The following KDM3B variants were observed in gnomAD, a reference collection of about 807,000 sequenced individuals.
KDM3B encodes lysine-specific demethylase 3B.
KDM3B carries 10 observed loss-of-function variants against 170.0 expected under a neutral mutation model. The ratio of observed to expected loss-of-function variants is 0.06; its 90% CI spans 0.04 to 0.10. The LOEUF is 0.10. Ranked by LOEUF, KDM3B falls within the 10% of genes least tolerant of loss-of-function variation. The pLI is 1.00. For synonymous variants in KDM3B, 831 were observed against 834.8 expected (o/e 1.00, Z 0.08); for missense variants, 1,394 against 2,195.2 (o/e 0.64, Z 7.29).
At position 138,410,408 on chromosome 5, in the gene KDM3B, CA is replaced by C. The variant is rs1156423389; in HGVS notation, c.3200-4721del. 6.6e-5 allele frequency among the ~76,000 whole-genome samples: 10 copies of C among 152,044 alleles called. No individual in the cohort carries two copies. The East Asian group carries it at 1.9e-3, about 29-fold the overall frequency. On this transcript the variant is annotated intron_variant, in intron 11 of 23. Coordinates refer to ENST00000314358, the MANE Select transcript of KDM3B (RefSeq NM_016604.4). ...CCCACACATACATAATCAATTACGACAAAGGTGCCAAGGTAGTTCAGTGGGG... is the reference window on the plus strand; with the variant it reads ...CCCACACATACATAATCAATTACGACAAGGTGCCAAGGTAGTTCAGTGGGG...
chr5:138,425,945 G>A (rs1763380585), intron 17 of KDM3B: 1 of 164,088 alleles, frequency 6.1e-6, no homozygotes, highest in African/African-American at 2.4e-5. Flanking sequence ...GGCAGAGGTT[G>A]CAGTGAGCCA....
chr5:138,435,169 C>T (rs143526762), intron 23 of KDM3B, among the ~76,000 whole-genome samples: 6 of 152,270 alleles, frequency 3.9e-5, no homozygotes, highest in African/African-American at 1.4e-4. Flanking sequence ...CCTGCTTTCC[C>T]CTCTTGTTTT....
rs779227537 is a variant in KDM3B, at chr5:138,386,385, T to A, written c.1144T>A (p.Phe382Ile). Residue 382 changes from phenylalanine (F) to isoleucine (I), a missense_variant, in exon 7 of 24, where the codon TTC (phenylalanine) becomes ATC (isoleucine). Around this residue, in one of 19 missense-constraint regions of KDM3B, gnomAD observed 205 missense variants for 227.6 expected, o/e 0.90. Coordinates refer to ENST00000314358, the MANE Select transcript of KDM3B (RefSeq NM_016604.4). ...TGTAGGTGGGGACACACCTGCATCTTTCACTCCATATTCTACAGCCACAGG... is the reference window on the plus strand; with the variant it reads ...TGTAGGTGGGGACACACCTGCATCTATCACTCCATATTCTACAGCCACAGG... ...EPVGGDTPASFTPYSTATGQT... is the reference protein window; with the variant it reads ...EPVGGDTPASITPYSTATGQT... 1.9e-6 allele frequency: 3 copies of A among 1,614,200 alleles called. No individual in the cohort carries two copies. Among genetic ancestry groups the A allele is most frequent in the Non-Finnish European group, 2.5e-6 (3 of 1,180,026 alleles).
chr5:138,373,076 C>T (rs906721811), intron 2 of KDM3B, among the ~76,000 whole-genome samples: 3 of 152,122 alleles, frequency 2.0e-5, no homozygotes, highest in Non-Finnish European at 2.9e-5. Flanking sequence ...CGGTGGCTCA[C>T]GCCTTGTAAT....
rs1383735543 is a variant in KDM3B at position 138,379,649 on chromosome 5, T to C, written c.646T>C (p.Tyr216His). 5 of 1,613,296 alleles carry C rather than the reference T, an allele frequency of 3.1e-6. No individual in the cohort carries two copies. The Admixed American group carries it at 8.3e-5, about 27-fold the overall frequency. The change falls in exon 5 of 24, where the codon TAT becomes CAT. Residue 216 changes from tyrosine (Y) to histidine (H), a missense_variant. Around this residue, in one of 19 missense-constraint regions of KDM3B, gnomAD observed 166 missense variants for 216.4 expected, o/e 0.77. Transcript: ENST00000314358. ...YQPEGEEGWLYGVVSHQDSIT... is the reference protein window; with the variant it reads ...YQPEGEEGWLHGVVSHQDSIT... ...GCCAGAGGGGGAAGAAGGGTGGCTC[T>C]ATGGTGTTGTGAGCCATCAGGACTC...
At chr5:138,404,062 A>C (rs916509022) in intron 11 of KDM3B, among the ~76,000 whole-genome samples, 10 of 152,184 alleles carry the variant, frequency 6.6e-5, no homozygotes, top group Admixed American at 2.6e-4. Flanking sequence ...TGACAAAAGA[A>C]GCTATCTAAA....
intron 9 of KDM3B, 81 bp downstream of exon 9, chr5:138,393,453 A>G (rs1190805385): frequency 4.3e-6 from 5 of 1,167,122 alleles, no homozygotes; most frequent in African/African-American, 3.1e-5. Context: ...GTCTATAAAC[A>G]TGTTTCATCA....
chr5:138,373,279 A>G (rs1021788720), intron 2 of KDM3B, among the ~76,000 whole-genome samples: 1 of 152,010 alleles, frequency 6.6e-6, no homozygotes, highest in Admixed American at 6.6e-5. Flanking sequence ...GGTTGAGGCT[A>G]CAGTGAGCCG....
intron 11 of KDM3B, among the ~76,000 whole-genome samples, chr5:138,404,156 A>G (rs1762759451): frequency 6.6e-6 from 1 of 152,218 alleles, no homozygotes; most frequent in Non-Finnish European, 1.5e-5. Context: ...TCTACCAAAC[A>G]TACAAGTAGA....
intron 1 of KDM3B, among the ~76,000 whole-genome samples, chr5:138,357,135 C>T (rs753521615): frequency 1.3e-5 from 2 of 149,034 alleles, no homozygotes; most frequent in East Asian, 2.0e-4. Flanking sequence ...TACAGGCATG[C>T]GCCACCGGGC....
At position 138,435,758 on chromosome 5, in the gene KDM3B, A is replaced by G. The variant is rs967129629; in HGVS notation, c.*58A>G. ...AGGTCTTTCACTCACAACACTTAAC[A>G]GGGAACGGCAGGGCTCTTTGCTGGA... On this transcript the variant is annotated 3_prime_UTR_variant, in exon 24 of 24. Coordinates refer to ENST00000314358, the MANE Select transcript of KDM3B (RefSeq NM_016604.4). 3.9e-6 allele frequency: 5 copies of G among 1,296,652 alleles called. No individual in the cohort carries two copies. Among genetic ancestry groups the G allele is most frequent in the African/African-American group, 1.5e-5 (1 of 68,194 alleles). 80.3% of individuals were successfully genotyped at this position (1,296,652 alleles called of 1,614,324 possible). A position where few individuals can be genotyped will look rare whatever the true frequency, so the allele number is the denominator to read the frequency against.
chr5:138,424,672 TGA>T (rs1205773364), intron 16 of KDM3B, among the ~76,000 whole-genome samples: 2 of 151,928 alleles, frequency 1.3e-5, no homozygotes, highest in African/African-American at 4.8e-5. Context: ...CCCAGCTGCT[TGA>T]GAGGGTGAGG....
chr5:138,370,988 T>C (rs1761859906), intron 1 of KDM3B, among the ~76,000 whole-genome samples: 1 of 152,090 alleles, frequency 6.6e-6, no homozygotes, highest in Non-Finnish European at 1.5e-5. Context: ...TTTGTATTTT[T>C]AGTAGAGACA....
intron 23 of KDM3B, among the ~76,000 whole-genome samples, chr5:138,431,808 GA>G (rs752783852): frequency 2.0e-4 from 30 of 151,734 alleles, no homozygotes; most frequent in Admixed American, 1.3e-3. Flanking sequence ...AGCTACTCAG[GA>G]AACTGAGGCA....
chr5:138,358,111 C>T (rs1356988635), intron 1 of KDM3B, among the ~76,000 whole-genome samples: 1 of 151,766 alleles, frequency 6.6e-6, no homozygotes, highest in Non-Finnish European at 1.5e-5. Flanking sequence ...GATTCTCCTG[C>T]CTCAGCCTCG....
chr5:138,353,019 C>CGGGGCTGCG, intron 1 of KDM3B, 32 bp downstream of exon 1: 4 of 963,064 alleles, frequency 4.2e-6, no homozygotes, highest in Non-Finnish European at 4.9e-6. Flanking sequence ...CACTCGAGGC[C>CGGGGCTGCG]GGGGCTGCGG....
At chr5:138,403,253 GAA>G (rs1762733159) in intron 11 of KDM3B, among the ~76,000 whole-genome samples, 1 of 152,112 alleles carries the variant, frequency 6.6e-6, no homozygotes, top group Non-Finnish European at 1.5e-5. Context: ...CCACTACCCA[GAA>G]AAGTCACAAC....
intron 11 of KDM3B, among the ~76,000 whole-genome samples, chr5:138,404,545 T>A (rs893904362): frequency 4.6e-5 from 7 of 151,718 alleles, no homozygotes; most frequent in Non-Finnish European, 8.8e-5. Context: ...GAGAATCACT[T>A]GAACCTGGGA....
intron 5 of KDM3B, 47 bp downstream of exon 5, chr5:138,379,755 G>T (rs1157400001): frequency 6.4e-7 from 1 of 1,564,486 alleles, no homozygotes; most frequent in Non-Finnish European, 8.7e-7. Flanking sequence ...TCCCCTTAAA[G>T]AGGATGGTTT....
Sources: allele counts gnomAD v4.1 joint callset (sites outside exome capture counted in the v4.1 genomes callset), GRCh38; gene constraint gnomAD v4.1.1; regional missense constraint gnomAD v4.1.1; transcripts MANE v1.5; gene names NCBI Gene and HGNC (gene_info 2026-07-23, HGNC 2026-07-21).